SHMT1: variants seen among roughly 807,000 people sequenced by gnomAD.
The protein encoded by SHMT1 is serine hydroxymethyltransferase, cytosolic.
In SHMT1, 45 loss-of-function variants were observed where a neutral mutation model predicts 49.0. The observed-to-expected ratio is 0.92, with a 90% CI of 0.72 to 1.18. The LOEUF is 1.18. Among genes scored for constraint, SHMT1 ranks in the 50% most tolerant of loss-of-function variants. SHMT1 has a pLI of 0.00. For missense variants in SHMT1, 541 were observed against 612.4 expected, an observed-to-expected ratio of 0.88 and a Z score of 1.23; for synonymous variants, 232 against 246.6, an observed-to-expected ratio of 0.94 and a Z score of 0.55.
intron 3 of SHMT1, 175 bp from the exon 4 acceptor site, chr17:18,348,615 T>G (rs1459548019): frequency 1.4e-6 from 1 of 720,798 alleles, no homozygotes; most frequent in African/African-American, 1.7e-5. Context: ...CACCAATGCC[T>G]CTGGAATCTA....
rs938642905 is a variant in SHMT1 at position 18,354,822 on chromosome 17, G to A, written c.97-1005C>T. Among the ~76,000 whole-genome samples the A allele has an allele frequency of 3.3e-5, 5 of 149,432 alleles. No individual in the cohort carries two copies. In the Middle Eastern group the frequency reaches 0.01, roughly 309 times the overall value. On this transcript the variant is annotated intron_variant, in intron 2 of 11. Coordinates refer to ENST00000316694, the MANE Select transcript of SHMT1 (RefSeq NM_004169.5). ...TGGGAGGCCGAGACAGGTGGATCAC[G>A]AGGTCAGGAGATCAAGATCATCCTG...
rs1034114068 is a variant in SHMT1 at position 18,342,604 on chromosome 17, G to A, written c.520-1791C>T. Among the ~76,000 whole-genome samples the A allele has an allele frequency of 4.6e-5, 7 of 151,782 alleles. No homozygotes were observed. The South Asian group carries it at 1.0e-3, about 23-fold the overall frequency. ...GCTGAGATTATAGGTGTGAGCCACC[G>A]CACCTGGCCATGTGATCTTACTTCT... On this transcript the variant is annotated intron_variant, in intron 5 of 11. Coordinates refer to ENST00000316694, the MANE Select transcript of SHMT1 (RefSeq NM_004169.5).
intron 3 of SHMT1, 74 bp downstream of exon 3, chr17:18,353,597 AT>A (rs1567791068): frequency 1.3e-6 from 2 of 1,502,658 alleles, no homozygotes; most frequent in Non-Finnish European, 9.3e-7. Context: ...AAATTTCCAA[AT>A]TGTTTAGGTC....
chr17:18,342,110 C>T (rs1984583602), intron 5 of SHMT1, among the ~76,000 whole-genome samples: 1 of 152,144 alleles, frequency 6.6e-6, no homozygotes, highest in African/African-American at 2.4e-5. Flanking sequence ...ATGTTCACTG[C>T]AGCACTATTC....
chr17:18,355,187 G>A (rs1986118026), intron 2 of SHMT1, among the ~76,000 whole-genome samples: 1 of 149,002 alleles, frequency 6.7e-6, no homozygotes, highest in Non-Finnish European at 1.5e-5. Flanking sequence ...GGCTAACATG[G>A]TGAAACCCCA....
intron 3 of SHMT1, among the ~76,000 whole-genome samples, chr17:18,352,598 A>G (rs950125145): frequency 2.0e-5 from 3 of 152,050 alleles, no homozygotes; most frequent in Admixed American, 2.0e-4. Context: ...AGGCAGGTGG[A>G]TTGCTTGAGC....
chr17:18,347,449 A>G, intron 5 of SHMT1, 47 bp downstream of exon 5: 1 of 1,604,870 alleles, frequency 6.2e-7, no homozygotes. Flanking sequence ...GCCAAGCATC[A>G]GAGGTTTCCC....
chr17:18,350,736 CT>C (rs994540614), intron 3 of SHMT1, among the ~76,000 whole-genome samples: 43 of 144,884 alleles, frequency 3.0e-4, no homozygotes, highest in Non-Finnish European at 3.2e-4. Context: ...ACACTGTTTT[CT>C]TTTTTTTTTT....
At chr17:18,350,273 G>A (rs1567788096) in intron 3 of SHMT1, among the ~76,000 whole-genome samples, 2 of 152,114 alleles carry the variant, frequency 1.3e-5, no homozygotes, top group Admixed American at 6.5e-5. Flanking sequence ...GGAGCTTGTA[G>A]TGAGCCGAGA....
At chr17:18,350,568 T>A (rs1985578770) in intron 3 of SHMT1, among the ~76,000 whole-genome samples, 2 of 151,850 alleles carry the variant, frequency 1.3e-5, no homozygotes, top group Admixed American at 1.3e-4. Flanking sequence ...GCCCAAGAGT[T>A]TGAGGCTGCA....
chr17:18,334,317 G>A (rs924314239), intron 8 of SHMT1, among the ~76,000 whole-genome samples: 4 of 152,078 alleles, frequency 2.6e-5, no homozygotes, highest in African/African-American at 7.2e-5. Flanking sequence ...TCAAACTCCT[G>A]GGCTCAAGTG....
chr17:18,355,050 CAAAAAAAAAAAAAAAAAAA>C (rs768492183), intron 2 of SHMT1, among the ~76,000 whole-genome samples: 4 of 24,458 alleles, frequency 1.6e-4, no homozygotes, highest in East Asian at 1.9e-3. Context: ...GACTATATCT[CAAAAAAAAAAAAAAAAAAA>C]AAAAAAAAAA....
At chr17:18,354,035 C>A (rs577409373) in intron 2 of SHMT1, among the ~76,000 whole-genome samples, 156 of 152,300 alleles carry the variant, frequency 1.0e-3, no homozygotes, top group African/African-American at 3.6e-3. Flanking sequence ...GTAATCCCAG[C>A]ACTTTGGGAG....
At chr17:18,338,594 C>T (rs964608941) in intron 7 of SHMT1, among the ~76,000 whole-genome samples, 75 of 152,110 alleles carry the variant, frequency 4.9e-4, no homozygotes, top group South Asian at 2.1e-4. Context: ...GCCATGATGA[C>T]GATGGCGGTT....
At chr17:18,361,822 C>T (rs1261013420) in intron 1 of SHMT1, among the ~76,000 whole-genome samples, 2 of 151,998 alleles carry the variant, frequency 1.3e-5, no homozygotes, top group East Asian at 3.9e-4. Flanking sequence ...ATCTTAGGGA[C>T]ATCTTCATTA....
rs557524788 is a variant in SHMT1, at chr17:18,350,397, G to C, written c.243-1957C>G. Reference sequence around the variant, plus strand: ...GTGGTTGTTCACACCTGTAATCCTAGTAATATGGAAGGCTCAGGTGGGAAG... The same window carrying C: ...GTGGTTGTTCACACCTGTAATCCTACTAATATGGAAGGCTCAGGTGGGAAG... On this transcript the variant is annotated intron_variant, in intron 3 of 11. Coordinates refer to ENST00000316694, the MANE Select transcript of SHMT1 (RefSeq NM_004169.5). 1.3e-4 allele frequency among the ~76,000 whole-genome samples: 20 copies of C among 152,154 alleles called. No individual in the cohort carries two copies. In the East Asian group the frequency reaches 3.9e-3, roughly 30 times the overall value.
intron 7 of SHMT1, among the ~76,000 whole-genome samples, chr17:18,336,278 AAAAG>A (rs758944885): frequency 3.3e-5 from 5 of 151,204 alleles, no homozygotes; most frequent in African/African-American, 4.9e-5. Flanking sequence ...TTCTGTCTCA[AAAAG>A]AAAAAAAGAA....
intron 7 of SHMT1, among the ~76,000 whole-genome samples, chr17:18,336,300 G>T (rs1009570216): frequency 1.3e-5 from 2 of 150,804 alleles, no homozygotes; most frequent in East Asian, 2.0e-4. Context: ...GAAAAAAAAA[G>T]GACAGAAATT....
intron 2 of SHMT1, among the ~76,000 whole-genome samples, chr17:18,355,685 C>G (rs1986176284): frequency 6.6e-6 from 1 of 152,214 alleles, no homozygotes; most frequent in Non-Finnish European, 1.5e-5. Flanking sequence ...GCACCCTGCA[C>G]AGTGCTCCAC....
Sources: allele counts gnomAD v4.1 joint callset (sites outside exome capture counted in the v4.1 genomes callset), GRCh38; gene constraint gnomAD v4.1.1; transcripts MANE v1.5; gene names NCBI Gene and HGNC (gene_info 2026-07-23, HGNC 2026-07-21).